JHY: variants seen among roughly 807,000 people sequenced by gnomAD.
JHY encodes jhy protein homolog.
In JHY, 69 loss-of-function variants were observed where a neutral mutation model predicts 78.0. The ratio of observed to expected loss-of-function variants is 0.88; its 90% CI spans 0.73 to 1.08. JHY has a LOEUF of 1.08. Among genes scored for constraint, JHY ranks in the 50% least tolerant of loss-of-function variants. The pLI is 0.00. For synonymous variants in JHY, 368 were observed against 342.6 expected (o/e 1.07, Z -0.82); for missense variants, 944 against 927.8 (o/e 1.02, Z -0.23).
At chr11:122,909,329 G>A (rs1863063181) in intron 3 of JHY, among the ~76,000 whole-genome samples, 1 of 152,164 alleles carries the variant, frequency 6.6e-6, no homozygotes, top group Non-Finnish European at 1.5e-5. Flanking sequence ...TACTCCTTGA[G>A]AAAGTAAAAC....
At chr11:122,926,824 T>A (rs1863518146) in intron 4 of JHY, among the ~76,000 whole-genome samples, 1 of 152,240 alleles carries the variant, frequency 6.6e-6, no homozygotes, top group African/African-American at 2.4e-5. Context: ...AATTTCTTCT[T>A]TATTAAATGA....
Position 122,946,652 on chromosome 11 carries a change from C to A in JHY, c.1789C>A (p.Leu597Met). ...ALSSVTLPPI[L>M]SRVESESQLS... is the part of the protein sequence containing the mutation. ...ATCCAGCGTCACGCTTCCACCTATA[C>A]TGTCAAGGGTAGAAAGTGAATCCCA... The change falls in exon 6 of 9, where the codon CTG (leucine) becomes ATG (methionine). Residue 597 changes from leucine (L) to methionine (M), a missense_variant. Physicochemically the swap from Leu to Met is conservative, Grantham distance 15. Coordinates refer to ENST00000227349, the MANE Select transcript of JHY (RefSeq NM_024806.4). 4.3e-6 allele frequency: 7 copies of A among 1,614,096 alleles called. No individual in the cohort carries two copies. Among genetic ancestry groups the A allele is most frequent in the Non-Finnish European group, 5.9e-6 (7 of 1,180,010 alleles).
In JHY at chr11:122,886,275, T is replaced by A. The variant is rs116861525; in HGVS notation, c.344+82T>A. 5.9e-6 allele frequency: 8 copies of A among 1,362,952 alleles called. No individual in the cohort carries two copies. The East Asian group carries it at 1.2e-4, about 21-fold the overall frequency. 84.4% of individuals were successfully genotyped at this position (1,362,952 alleles called of 1,614,324 possible). On this transcript the variant is annotated intron_variant, in intron 2 of 8. Transcript: ENST00000227349. ...TTACTGTCGTCATTCCAAATTAGAG[T>A]AAGGGCAAGCTGCCCTAATGAGCGC...
intron 1 of JHY, among the ~76,000 whole-genome samples, chr11:122,884,441 G>GAA (rs1294616356): frequency 1.3e-4 from 17 of 135,922 alleles, no homozygotes; most frequent in African/African-American, 4.1e-4. Flanking sequence ...CTGACTCACA[G>GAA]AAAAAAAAAA....
rs571482464 is a variant in JHY at position 122,922,809 on chromosome 11, C to CAAAAAAA, written c.865-2067_865-2061dup. Among the ~76,000 whole-genome samples, 210 of 44,338 alleles carry CAAAAAAA rather than the reference C, an allele frequency of 4.7e-3. 3 individuals are homozygous for CAAAAAAA. The highest frequency in any genetic ancestry group is 9.2e-3 in the African/African-American group (205 of 22,170). The allele number at this position is 44,338 out of a possible 152,430, so 29.1% of individuals were successfully genotyped here. On this transcript the variant is annotated intron_variant, in intron 3 of 8. Transcript: ENST00000227349. Reference sequence around the variant, plus strand: ...TGGGCAACAGAGCGAGACTCCGTCTCAAAAAAAAAAAAAAAAAAAAAAAAA... The same window carrying CAAAAAAA: ...TGGGCAACAGAGCGAGACTCCGTCTCAAAAAAAAAAAAAAAAAAAAAAAAAAAAAAAA...
chr11:122,894,124 C>T lies in JHY; in HGVS notation c.344+7931C>T, dbSNP rs368803228. ...TCATTTGAGGTCAGGAGTTCGAGACCAGCCTGGCCAACATAGTGAAACCCC... is the reference window on the plus strand; with the variant it reads ...TCATTTGAGGTCAGGAGTTCGAGACTAGCCTGGCCAACATAGTGAAACCCC... On this transcript the variant is annotated intron_variant, in intron 2 of 8. Coordinates refer to ENST00000227349, the MANE Select transcript of JHY (RefSeq NM_024806.4). Among the ~76,000 whole-genome samples, 5 of 152,098 alleles carry T rather than the reference C, an allele frequency of 3.3e-5. No individual in the cohort carries two copies. In the East Asian group the frequency reaches 7.7e-4, roughly 23 times the overall value.
chr11:122,895,087 A>C (rs997753921), intron 2 of JHY, among the ~76,000 whole-genome samples: 1 of 152,210 alleles, frequency 6.6e-6, no homozygotes, highest in Non-Finnish European at 1.5e-5. Flanking sequence ...AAGAAGATTA[A>C]GGTGAGCATA....
intron 3 of JHY, among the ~76,000 whole-genome samples, chr11:122,924,521 TGTC>T (rs1863450863): frequency 6.6e-6 from 1 of 152,216 alleles, no homozygotes; most frequent in Non-Finnish European, 1.5e-5. Flanking sequence ...TTATTTCTGT[TGTC>T]GTCATCATCT....
intron 6 of JHY, among the ~76,000 whole-genome samples, chr11:122,955,565 T>C (rs1864172953): frequency 6.6e-6 from 1 of 152,202 alleles, no homozygotes; most frequent in African/African-American, 2.4e-5. Flanking sequence ...TGTCTCACTT[T>C]CTTGCTTTCT....
At chr11:122,905,353 G>A (rs990789716) in intron 3 of JHY, 1 of 1,532,070 alleles carries the variant, frequency 6.5e-7, no homozygotes, top group Non-Finnish European at 8.8e-7. Context: ...ACTGGAAAGA[G>A]CTTGAGATTT....
At chr11:122,888,705 C>G (rs975241150) in intron 2 of JHY, among the ~76,000 whole-genome samples, 1 of 152,088 alleles carries the variant, frequency 6.6e-6, no homozygotes, top group Admixed American at 6.5e-5. Flanking sequence ...CCTTTCTTCC[C>G]CCTTAGAGGT....
chr11:122,925,890 G>A (rs888262081), intron 4 of JHY, among the ~76,000 whole-genome samples: 3 of 152,012 alleles, frequency 2.0e-5, no homozygotes, highest in African/African-American at 7.3e-5. Flanking sequence ...GGTGGCAGGC[G>A]CCTATAGTTC....
intron 5 of JHY, among the ~76,000 whole-genome samples, chr11:122,946,005 T>A (rs528128266): frequency 6.6e-6 from 1 of 152,210 alleles, no homozygotes; most frequent in South Asian, 2.1e-4. Context: ...AGGACCAAGA[T>A]CTTGCATATC....
At chr11:122,951,357 C>T (rs909685591) in intron 6 of JHY, among the ~76,000 whole-genome samples, 14 of 152,188 alleles carry the variant, frequency 9.2e-5, no homozygotes. Context: ...AGTTTGCTGA[C>T]AGCTAACTGT....
At chr11:122,953,060 A>C (rs138499316) in intron 6 of JHY, among the ~76,000 whole-genome samples, 113 of 152,328 alleles carry the variant, frequency 7.4e-4, no homozygotes, top group Non-Finnish European at 1.3e-3. Flanking sequence ...TGGAAGTGTT[A>C]ATTGATGGCC....
rs575903067 is a variant in JHY at position 122,939,386 on chromosome 11, A to G, written c.1634+4311A>G. 4.6e-5 allele frequency among the ~76,000 whole-genome samples: 7 copies of G among 152,248 alleles called. No individual in the cohort carries two copies. The East Asian group carries it at 1.2e-3, about 25-fold the overall frequency. Reference sequence around the variant, plus strand: ...CCCACTTACAGCTCATGAGCCTTACAGGATTCTATGGTGTAAACTGTGGCT... The same window carrying G: ...CCCACTTACAGCTCATGAGCCTTACGGGATTCTATGGTGTAAACTGTGGCT... On this transcript the variant is annotated intron_variant, in intron 5 of 8. Transcript: ENST00000227349.
chr11:122,959,200 C>T, intron 8 of JHY, 48 bp from the exon 9 acceptor site: 5 of 1,559,282 alleles, frequency 3.2e-6, no homozygotes, highest in Non-Finnish European at 4.4e-6. Flanking sequence ...TTTAAGGAAT[C>T]CAGGCTCACT....
At chr11:122,946,411 AT>A in intron 5 of JHY, 86 bp from the exon 6 acceptor site, 1 of 1,374,406 alleles carries the variant, frequency 7.3e-7, no homozygotes, top group Non-Finnish European at 9.8e-7. Context: ...AATACATCAA[AT>A]TAATGGTTCA....
In JHY at chr11:122,904,222, C is replaced by A. The variant is rs1166181212; in HGVS notation, c.642C>A (p.Ser214Arg). 1.2e-6 allele frequency: 2 copies of A among 1,614,124 alleles called. No homozygotes were observed. The highest frequency in any genetic ancestry group is 1.6e-4 in the Middle Eastern group (1 of 6,062). The change falls in exon 3 of 9, where the codon AGC (serine) becomes AGA (arginine). Residue 214 changes from serine to arginine, a missense_variant. By Grantham distance (110) the Ser-to-Arg change is moderately radical (BLOSUM62 -1). Transcript: ENST00000227349. ...ARRSKPFSEL[S>R]DSDLEEKSSS... ...GCAGCAAGCCGTTTTCAGAGCTGAG[C>A]GACAGTGACCTGGAGGAGAAGTCGA...
Sources: gnomAD v4.1 joint callset for allele counts (sites outside exome capture counted in the v4.1 genomes callset) on GRCh38, gnomAD v4.1.1 for gene constraint, MANE v1.5 for transcripts, NCBI Gene and HGNC (gene_info 2026-07-23, HGNC 2026-07-21) for gene names.